The following UBTD1 variants were observed in gnomAD, a reference collection of about 807,000 sequenced individuals.
UBTD1 encodes the protein ubiquitin domain-containing protein 1.
A neutral mutation model predicts 21.7 loss-of-function variants in UBTD1; 19 were observed. The observed-to-expected ratio is 0.87, with a 90% CI of 0.61 to 1.28. The LOEUF is 1.28. Ranked by LOEUF, UBTD1 falls within the 50% of genes most tolerant of loss-of-function variation. The pLI is 0.00. For synonymous variants in UBTD1, 116 were observed against 135.1 expected, an observed-to-expected ratio of 0.86 and a Z score of 0.98; for missense variants, 282 against 315.1, an observed-to-expected ratio of 0.89 and a Z score of 0.80.
intron 1 of UBTD1, among the ~76,000 whole-genome samples, chr10:97,530,873 A>C (rs1404626187): frequency 2.0e-5 from 3 of 151,708 alleles, no homozygotes; most frequent in East Asian, 3.8e-4. Flanking sequence ...TTATTTTAAA[A>C]ATTTTTTAAA....
At chr10:97,499,911 C>T (rs796843323) in intron 1 of UBTD1, among the ~76,000 whole-genome samples, 22 of 152,220 alleles carry the variant, frequency 1.4e-4, no homozygotes, top group African/African-American at 5.1e-4. Flanking sequence ...TGAGATCGCT[C>T]GCTGGTGATC....
intron 1 of UBTD1, among the ~76,000 whole-genome samples, chr10:97,534,569 A>G (rs1009710045): frequency 9.1e-5 from 10 of 109,422 alleles, no homozygotes; most frequent in Admixed American, 5.1e-4. Context: ...AGGAACACAC[A>G]CGCGCGCGCG....
At chr10:97,568,849 G>A (rs887257173) in intron 2 of UBTD1, among the ~76,000 whole-genome samples, 1 of 151,946 alleles carries the variant, frequency 6.6e-6, no homozygotes, top group Admixed American at 6.5e-5. Flanking sequence ...TTGAGACGGA[G>A]TTTCCCTCTT....
intron 1 of UBTD1, among the ~76,000 whole-genome samples, chr10:97,508,103 T>G (rs1419495007): frequency 1.3e-5 from 2 of 152,220 alleles, no homozygotes; most frequent in Non-Finnish European, 2.9e-5. Context: ...TTGGGTTAAT[T>G]CTCACAACCA....
At chr10:97,565,862 G>T (rs2040714804) in intron 1 of UBTD1, among the ~76,000 whole-genome samples, 1 of 151,810 alleles carries the variant, frequency 6.6e-6, no homozygotes, top group African/African-American at 2.4e-5. Context: ...ACAGCTGCAT[G>T]CCACCATGCC....
At chr10:97,555,086 C>T (rs1461518974) in intron 1 of UBTD1, among the ~76,000 whole-genome samples, 1 of 152,098 alleles carries the variant, frequency 6.6e-6, no homozygotes, top group Admixed American at 6.5e-5. Flanking sequence ...AGAATCAGCT[C>T]AAGAATTTAA....
chr10:97,526,516 C>T (rs1031771633), intron 1 of UBTD1, among the ~76,000 whole-genome samples: 1 of 152,160 alleles, frequency 6.6e-6, no homozygotes, highest in African/African-American at 2.4e-5. Context: ...TTTTTCGCTC[C>T]TCTTCTAATG....
intron 1 of UBTD1, among the ~76,000 whole-genome samples, chr10:97,538,735 T>C (rs1280460826): frequency 6.6e-6 from 1 of 152,218 alleles, no homozygotes; most frequent in East Asian, 1.9e-4. Flanking sequence ...TCAAAGCTTT[T>C]TTTGCACAGA....
At chr10:97,500,058 G>A (rs2040349146) in intron 1 of UBTD1, among the ~76,000 whole-genome samples, 1 of 152,196 alleles carries the variant, frequency 6.6e-6, no homozygotes, top group African/African-American at 2.4e-5. Context: ...GCAAGGACCC[G>A]CTGGGAATAA....
intron 1 of UBTD1, among the ~76,000 whole-genome samples, chr10:97,552,393 CTTTTTTTTTT>C (rs60160152): frequency 1.7e-5 from 2 of 119,856 alleles, no homozygotes; most frequent in African/African-American, 6.5e-5. Context: ...ATTATACACC[CTTTTTTTTTT>C]TTTTTTTTTT....
intron 1 of UBTD1, among the ~76,000 whole-genome samples, chr10:97,501,579 C>T (rs112630100): frequency 0.029 from 4,359 of 152,076 alleles, 86 homozygotes; most frequent in Non-Finnish European, 0.046. Flanking sequence ...GGTGACAGAG[C>T]GAGACTCTGT....
At chr10:97,526,854 CAA>C (rs35330483) in intron 1 of UBTD1, among the ~76,000 whole-genome samples, 9 of 63,302 alleles carry the variant, frequency 1.4e-4, no homozygotes, top group Admixed American at 3.9e-4. Flanking sequence ...GACTCCGTCT[CAA>C]AAAAAAAAAA....
At chr10:97,551,174 G>C (rs1360589566) in intron 1 of UBTD1, among the ~76,000 whole-genome samples, 1 of 152,156 alleles carries the variant, frequency 6.6e-6, no homozygotes, top group Non-Finnish European at 1.5e-5. Context: ...CCTAATACGG[G>C]AGGTTTCGAC....
chr10:97,563,629 G>T (rs1210055115), intron 1 of UBTD1, among the ~76,000 whole-genome samples: 1 of 152,106 alleles, frequency 6.6e-6, no homozygotes, highest in Non-Finnish European at 1.5e-5. Flanking sequence ...ACTCCAAGAG[G>T]GAGTCAAGAG....
chr10:97,561,495 G>A (rs1564744736), intron 1 of UBTD1, among the ~76,000 whole-genome samples: 1 of 152,128 alleles, frequency 6.6e-6, no homozygotes, highest in Admixed American at 6.5e-5. Context: ...ACATGAAAGG[G>A]TCGTGATTGA....
chr10:97,554,655 A>G (rs1014782732), intron 1 of UBTD1, among the ~76,000 whole-genome samples: 37 of 151,586 alleles, frequency 2.4e-4, no homozygotes, highest in African/African-American at 8.3e-4. Context: ...GGCTCAAGTG[A>G]CCCTCCCATC....
At position 97,570,056 on chromosome 10, in the gene UBTD1, A is replaced by G. The variant is rs2135691158; in HGVS notation, c.299-82A>G. Reference sequence around the variant, plus strand: ...TCACATTGGGGGTTAGAGTTTCACCATATGAATTTGGGGGGACCCAAACAT... The same window carrying G: ...TCACATTGGGGGTTAGAGTTTCACCGTATGAATTTGGGGGGACCCAAACAT... On this transcript the variant is annotated intron_variant, in intron 2 of 2. Transcript: ENST00000370664. The surrounding 1 kb of genome is among the most constrained non-coding windows in gnomAD (Gnocchi z 6.6). 5 of 1,511,590 alleles carry G rather than the reference A, an allele frequency of 3.3e-6. No homozygotes were observed. Among genetic ancestry groups the G allele is most frequent in the African/African-American group, 2.8e-5 (2 of 72,560 alleles). The allele number at this position is 1,511,590 out of a possible 1,614,324, so 93.6% of individuals were successfully genotyped here. A position where few individuals can be genotyped will look rare whatever the true frequency, so the allele number is the denominator to read the frequency against.
At chr10:97,569,190 G>A (rs1372521941) in intron 2 of UBTD1, among the ~76,000 whole-genome samples, 1 of 152,224 alleles carries the variant, frequency 6.6e-6, no homozygotes, top group Non-Finnish European at 1.5e-5. Flanking sequence ...GGAGCTTCTC[G>A]AATTTAGAGC....
chr10:97,534,608 CA>C (rs2040551394), intron 1 of UBTD1, among the ~76,000 whole-genome samples: 2 of 129,964 alleles, frequency 1.5e-5, no homozygotes, highest in Non-Finnish European at 3.6e-5. Context: ...CACACACACA[CA>C]CACCACCCTT....
Sources: allele counts gnomAD v4.1 joint callset (sites outside exome capture counted in the v4.1 genomes callset), GRCh38; gene constraint gnomAD v4.1.1; non-coding constraint Gnocchi (gnomAD v3.1); transcripts MANE v1.5; gene names NCBI Gene and HGNC (gene_info 2026-07-23, HGNC 2026-07-21).